The following FUZ variants were observed in gnomAD, a reference collection of about 807,000 sequenced individuals.
FUZ encodes the protein fuzzy planar cell polarity protein.
A neutral mutation model predicts 43.1 loss-of-function variants in FUZ; 31 were observed. The ratio of observed to expected loss-of-function variants is 0.72; its 90% CI spans 0.54 to 0.97. The LOEUF is 0.97. Among genes scored for constraint, FUZ ranks in the 50% least tolerant of loss-of-function variants. The pLI is 0.00. For missense variants in FUZ, 539 were observed against 543.8 expected (o/e 0.99, Z 0.09); for synonymous variants, 274 against 250.0 (o/e 1.10, Z -0.91).
chr19:49,807,033 C>CA lies in FUZ; in HGVS notation c.*117dup. On this transcript the variant is annotated 3_prime_UTR_variant, in exon 11 of 11. Transcript: ENST00000313777. ...GTGGATGTCTCCTCCCCTCCCACCC[C>CA]ACCCTGTTGTAGCCCCTCCTACCCC... is the stretch of plus-strand genomic sequence containing the variant. The CA allele has an allele frequency of 6.6e-7, 1 of 1,519,918 alleles. No homozygotes were observed. Among genetic ancestry groups the CA allele is most frequent in the Non-Finnish European group, 8.8e-7 (1 of 1,134,064 alleles). The allele number at this position is 1,519,918 out of a possible 1,614,324, so 94.2% of individuals were successfully genotyped here.
Position 49,808,616 on chromosome 19 carries a change from G to C in FUZ, c.916C>G (p.Leu306Val). 6.2e-7 allele frequency: 1 copy of C among 1,613,404 alleles called. No homozygotes were observed. The highest frequency in any genetic ancestry group is 8.5e-7 in the Non-Finnish European group (1 of 1,179,766). The change falls in exon 9 of 11, where the codon CTG becomes GTG. Residue 306 changes from leucine (L) to valine (V), a missense_variant. Physicochemically the swap from Leu to Val is conservative, Grantham distance 32. Transcript: ENST00000313777. The part of the protein sequence containing the change: ...ILGLLLLHLE[L>V]KRCLFTVEPL... ...TCCACGGTGAAGAGGCAGCGCTTCAGTTCCAGGTGGAGGAGCAGCAGCCTG... is the reference window on the plus strand; with the variant it reads ...TCCACGGTGAAGAGGCAGCGCTTCACTTCCAGGTGGAGGAGCAGCAGCCTG...
chr19:49,812,619 C>G lies in FUZ; in HGVS notation c.229G>C (p.Asp77His). The G allele has an allele frequency of 6.2e-7, 1 of 1,614,142 alleles. No homozygotes were observed. The highest frequency in any genetic ancestry group is 1.7e-5 in the Admixed American group (1 of 60,024). Residue 77 changes from aspartate (D) to histidine (H), a missense_variant, in exon 2 of 11, where the codon GAC (aspartate) becomes CAC (histidine). By Grantham distance (81) the Asp-to-His change is moderately conservative. Coordinates refer to ENST00000313777, the MANE Select transcript of FUZ (RefSeq NM_025129.5). ...NTTVVWKSFH[D>H]SITLIVLSSE... ...CCCACGTTCCCTCCTGGGGACCTGT[C>G]ATGGAAGCTTTTCCACACCACAGTC...
intron 3 of FUZ, 43 bp downstream of exon 3, chr19:49,812,208 C>T (rs768446435): frequency 7.0e-7 from 1 of 1,423,748 alleles, no homozygotes; most frequent in Non-Finnish European, 9.9e-7. Flanking sequence ...GCTGAGATCT[C>T]AGATTCCTGG....
chr19:49,807,136 C>T lies in FUZ; in HGVS notation c.*15G>A, dbSNP rs1332344822. Reference sequence around the variant, plus strand: ...AACAGCCCCATGTCTGTGTCCATCACCCACTGCTAGGTAGTCAAAGAAGTG... The same window carrying T: ...AACAGCCCCATGTCTGTGTCCATCATCCACTGCTAGGTAGTCAAAGAAGTG... On this transcript the variant is annotated 3_prime_UTR_variant, in exon 11 of 11. Coordinates refer to ENST00000313777, the MANE Select transcript of FUZ (RefSeq NM_025129.5). The T allele has an allele frequency of 6.2e-7, 1 of 1,608,576 alleles. No individual in the cohort carries two copies. Among genetic ancestry groups the T allele is most frequent in the African/African-American group, 1.3e-5 (1 of 74,336 alleles).
chr19:49,808,136 A>T, intron 10 of FUZ: 12 of 500,422 alleles, frequency 2.4e-5, no homozygotes, highest in East Asian at 3.8e-5. Flanking sequence ...AAGTGATTTC[A>T]TTCTTTCATT....
intron 5 of FUZ, among the ~76,000 whole-genome samples, chr19:49,810,314 C>T (rs912521992): frequency 9.3e-5 from 14 of 150,804 alleles, no homozygotes; most frequent in Non-Finnish European, 1.2e-4. Context: ...CCCAGGAGTT[C>T]GAGACCAGCC....
At position 49,807,351 on chromosome 19, in the gene FUZ, C is replaced by T; in HGVS notation, c.1057G>A (p.Glu353Lys). ...PPEPGPPEKTEDEVYQAQLPR... is the reference protein window; with the variant it reads ...PPEPGPPEKTKDEVYQAQLPR... Reference sequence around the variant, plus strand: ...AGCTGGGCCTGGTAGACCTCATCTTCTGTCTTCTCTGGTGGCCCTGGCTCT... The same window carrying T: ...AGCTGGGCCTGGTAGACCTCATCTTTTGTCTTCTCTGGTGGCCCTGGCTCT... The change falls in exon 11 of 11, where the codon GAA becomes AAA. Residue 353 changes from glutamate (E) to lysine (K), a missense_variant. Transcript: ENST00000313777. 1.2e-6 allele frequency: 2 copies of T among 1,613,344 alleles called. No homozygotes were observed. Among genetic ancestry groups the T allele is most frequent in the Non-Finnish European group, 8.5e-7 (1 of 1,179,852 alleles).
intron 2 of FUZ, 132 bp downstream of exon 2, chr19:49,812,483 G>A (rs951719465): frequency 2.2e-6 from 3 of 1,386,190 alleles, no homozygotes; most frequent in East Asian, 4.6e-5. Flanking sequence ...GATCAAAGAG[G>A]GTAACTGGCT....
chr19:49,812,326 G>A lies in FUZ; in HGVS notation c.243C>T (p.Leu81=). The change falls in exon 3 of 11, where the codon CTC becomes CTT. Residue 81 remains leucine (L), a synonymous_variant. Coordinates refer to ENST00000313777, the MANE Select transcript of FUZ (RefSeq NM_025129.5). ...TGCCCACCTCAGATGACAGAACAATGAGGGTGATGCTGTGGAATGGAAGTG... is the reference window on the plus strand; with the variant it reads ...TGCCCACCTCAGATGACAGAACAATAAGGGTGATGCTGTGGAATGGAAGTG... ...VWKSFHDSIT[L]IVLSSEVGIS... The A allele has an allele frequency of 1.2e-6, 2 of 1,613,982 alleles. No individual in the cohort carries two copies. Among genetic ancestry groups the A allele is most frequent in the Non-Finnish European group, 1.7e-6 (2 of 1,179,866 alleles).
At position 49,807,218 on chromosome 19, in the gene FUZ, T is replaced by C; in HGVS notation, c.1190A>G (p.Gln397Arg). Residue 397 changes from glutamine to arginine, a missense_variant, in exon 11 of 11, where the codon CAG becomes CGG. Physicochemically the swap from Gln to Arg is conservative, Grantham distance 43. Transcript: ENST00000313777. Reference protein sequence around the residue: ...LRRLLLLLSPQSPTHGLRSLA... With the variant: ...LRRLLLLLSPRSPTHGLRSLA... ...GCTTCGCAGCCCATGGGTGGGACTC[T>C]GGGGAGACAGCAGCAGCAGCAGCCG... The C allele has an allele frequency of 6.2e-7, 1 of 1,613,212 alleles. No individual in the cohort carries two copies. Among genetic ancestry groups the C allele is most frequent in the East Asian group, 2.2e-5 (1 of 44,822 alleles).
At position 49,809,270 on chromosome 19, in the gene FUZ, C is replaced by T. The variant is rs2073625422; in HGVS notation, c.691-12G>A. The T allele has an allele frequency of 6.4e-7, 1 of 1,550,664 alleles. No homozygotes were observed. The highest frequency in any genetic ancestry group is 8.7e-7 in the Non-Finnish European group (1 of 1,146,864). ...AGCCGGTGTGGGACCTGAAGCAGGG[C>T]ACAGGCTGGGGCTCATCGCGGCCCG... On this transcript the variant is annotated splice_polypyrimidine_tract_variant and intron_variant, in intron 6 of 10. Transcript: ENST00000313777. This position sits in a 1 kb window ranked among gnomAD's most constrained non-coding sequence, Gnocchi z 5.1.
chr19:49,810,174 C>T (rs1190212416), intron 5 of FUZ, among the ~76,000 whole-genome samples: 2 of 152,006 alleles, frequency 1.3e-5, no homozygotes, highest in Admixed American at 6.6e-5. Context: ...TGGAGGCTGC[C>T]GGAGGGCTGT....
chr19:49,806,882 G>A lies in FUZ; in HGVS notation c.*269C>T. 1.9e-6 allele frequency: 3 copies of A among 1,559,222 alleles called. No homozygotes were observed. Among genetic ancestry groups the A allele is most frequent in the Non-Finnish European group, 2.6e-6 (3 of 1,156,812 alleles). On this transcript the variant is annotated 3_prime_UTR_variant, in exon 11 of 11. Coordinates refer to ENST00000313777, the MANE Select transcript of FUZ (RefSeq NM_025129.5). Reference sequence around the variant, plus strand: ...ACACCAGGGTTTGGGGGATGCCTGGGACTTTCCTCCGGCCTTTTGTATTTT... The same window carrying A: ...ACACCAGGGTTTGGGGGATGCCTGGAACTTTCCTCCGGCCTTTTGTATTTT...
chr19:49,809,518 A>T lies in FUZ; in HGVS notation c.550T>A (p.Ser184Thr). The T allele has an allele frequency of 6.2e-7, 1 of 1,600,256 alleles. No individual in the cohort carries two copies. Among genetic ancestry groups the T allele is most frequent in the Non-Finnish European group, 8.5e-7 (1 of 1,176,952 alleles). ...TCTGTTGCTGCCACCACCCGGCCGG[A>T]CACCACCAGACTGACGAAGGTCGTG... is the stretch of plus-strand genomic sequence containing the variant. ...AGTTFVSLVV[S>T]GRVVAATEGW... The change falls in exon 6 of 11, where the codon TCC (serine) becomes ACC (threonine). Residue 184 changes from serine to threonine, a missense_variant. Physicochemically the swap from Ser to Thr is moderately conservative, Grantham distance 58 (BLOSUM62 1). Transcript: ENST00000313777. The surrounding 1 kb of genome is among the most constrained non-coding windows in gnomAD (Gnocchi z 5.1).
In FUZ at chr19:49,811,345, C is replaced by G. The variant is rs1406759664; in HGVS notation, c.492+18G>C. On this transcript the variant is annotated intron_variant, in intron 5 of 10. Transcript: ENST00000313777. ...GCCAGCAGAACAGGTGTAAGAGTTT[C>G]CATAGCATCCCCAGTACCTGCAAGA... is the stretch of plus-strand genomic sequence containing the variant. 6.5e-7 allele frequency: 1 copy of G among 1,550,230 alleles called. No homozygotes were observed. The highest frequency in any genetic ancestry group is 1.1e-5 in the South Asian group (1 of 87,264).
chr19:49,808,638 C>T lies in FUZ; in HGVS notation c.894G>A (p.Gly298=), dbSNP rs775380683. 3.9e-5 allele frequency: 63 copies of T among 1,613,148 alleles called. No individual in the cohort carries two copies. The highest frequency in any genetic ancestry group is 1.7e-5 in the Admixed American group (1 of 59,916). ...TCAGTTCCAGGTGGAGGAGCAGCAG[C>T]CTGTGGGAAAGGGAAGGGAATGTCA... The part of the protein sequence containing the change: ...SGFPLHTDIL[G]LLLLHLELKR... The change falls in exon 9 of 11, where the codon GGG becomes GGA. Residue 298 remains glycine (G), a splice_region_variant and synonymous_variant. Coordinates refer to ENST00000313777, the MANE Select transcript of FUZ (RefSeq NM_025129.5).
At position 49,811,268 on chromosome 19, in the gene FUZ, G is replaced by A. The variant is rs959421371; in HGVS notation, c.492+95C>T. 3.6e-5 allele frequency: 29 copies of A among 807,392 alleles called. 1 individual carries two copies. The African/African-American group carries it at 4.9e-4, about 14-fold the overall frequency. 50.0% of individuals were successfully genotyped at this position (807,392 alleles called of 1,614,324 possible). On this transcript the variant is annotated intron_variant, in intron 5 of 10. Transcript: ENST00000313777. The stretch of plus-strand genomic sequence containing the variant: ...GATAGGACTGGAAGCTGAGAGGATA[G>A]GAGGAGGTTGGGACAATGGTCCAGA...
intron 10 of FUZ, 103 bp from the exon 11 acceptor site, chr19:49,807,477 C>G (rs1480184040): frequency 7.9e-7 from 1 of 1,264,890 alleles, no homozygotes; most frequent in East Asian, 2.5e-5. Flanking sequence ...GGTCTCTGAA[C>G]ACAGGTTTTG....
At chr19:49,808,347 C>T (rs1267059003) in intron 10 of FUZ, 67 bp downstream of exon 10, 3 of 1,518,862 alleles carry the variant, frequency 2.0e-6, no homozygotes, top group African/African-American at 1.4e-5. Flanking sequence ...CCTCCTACTC[C>T]CATTTTGTGC....
Sources: allele counts gnomAD v4.1 joint callset (sites outside exome capture counted in the v4.1 genomes callset), GRCh38; gene constraint gnomAD v4.1.1; non-coding constraint Gnocchi (gnomAD v3.1); transcripts MANE v1.5; gene names NCBI Gene and HGNC (gene_info 2026-07-23, HGNC 2026-07-21).